Variants in ERCC5 observed in about 807,000 individuals in gnomAD.
The protein encoded by ERCC5 is DNA excision repair protein ERCC-5.
ERCC5 carries 68 observed loss-of-function variants against 105.6 expected under a neutral mutation model. The ratio of observed to expected loss-of-function variants is 0.64; its 90% CI spans 0.53 to 0.79. ERCC5 has a LOEUF of 0.79. ERCC5 is among the 30% of genes least tolerant of loss of function. ERCC5 has a pLI of 0.00. For missense variants in ERCC5, 1,373 were observed against 1,426.7 expected (o/e 0.96, Z 0.61); for synonymous variants, 546 against 526.2 (o/e 1.04, Z -0.51).
chr13:102,863,074 A>G lies in ERCC5; in HGVS notation c.1925A>G (p.Glu642Gly), dbSNP rs758920324. 5.6e-6 allele frequency: 9 copies of G among 1,614,078 alleles called. No individual in the cohort carries two copies. The highest frequency in any genetic ancestry group is 4.5e-5 in the East Asian group (2 of 44,878). The change falls in exon 8 of 15, where the codon GAA (glutamate) becomes GGA (glycine). Residue 642 changes from glutamate (E) to glycine (G), a missense_variant. By Grantham distance (98) the Glu-to-Gly change is moderately conservative. This residue lies in a region of ERCC5 where 1,004 missense variants were observed against 1,059.7 expected (regional missense o/e 0.95). Coordinates refer to ENST00000652225, the MANE Select transcript of ERCC5 (RefSeq NM_000123.4). Reference sequence around the variant, plus strand: ...ATTCCAAAGGCCGTGGAACCAATGGAAATTGACTCGGAAGAAAGTGAATCT... The same window carrying G: ...ATTCCAAAGGCCGTGGAACCAATGGGAATTGACTCGGAAGAAAGTGAATCT... ...ISIPKAVEPM[E>G]IDSEESESDG...
Position 102,853,809 on chromosome 13 carries a change from C to G in ERCC5, c.317C>G (p.Thr106Arg), listed in dbSNP as rs1566464834. 6.2e-7 allele frequency: 1 copy of G among 1,614,178 alleles called. No individual in the cohort carries two copies. The highest frequency in any genetic ancestry group is 8.5e-7 in the Non-Finnish European group (1 of 1,180,032). ...GCGTCCAGTGACTCCAGGAAAACGA[C>G]AGAGAAGCTTCTGAAAACATTTTTG... ...DLASSDSRKT[T>R]EKLLKTFLKR... Residue 106 changes from threonine to arginine, a missense_variant, in exon 3 of 15, where the codon ACA becomes AGA. Transcript: ENST00000652225.
intron 6 of ERCC5, among the ~76,000 whole-genome samples, chr13:102,860,034 G>A (rs563428599): frequency 9.2e-5 from 14 of 152,252 alleles, no homozygotes; most frequent in South Asian, 6.2e-4. Flanking sequence ...TAGCATCTCC[G>A]TGCTGTAGAT....
At position 102,865,643 on chromosome 13, in the gene ERCC5, A is replaced by C; in HGVS notation, c.1955-24A>C. 1 of 1,612,140 alleles carries C rather than the reference A, an allele frequency of 6.2e-7. No individual in the cohort carries two copies. Among genetic ancestry groups the C allele is most frequent in the South Asian group, 1.1e-5 (1 of 90,678 alleles). Reference sequence around the variant, plus strand: ...ATTTTAATGTTTTGATTGTAGATGAAGTGACCTTTTAATTTTGGTACAGGA... The same window carrying C: ...ATTTTAATGTTTTGATTGTAGATGACGTGACCTTTTAATTTTGGTACAGGA... On this transcript the variant is annotated intron_variant, in intron 8 of 14. Coordinates refer to ENST00000652225, the MANE Select transcript of ERCC5 (RefSeq NM_000123.4). The surrounding 1 kb of genome is among the most constrained non-coding windows in gnomAD (Gnocchi z 4.0).
rs910290814 is a variant in ERCC5, at chr13:102,875,966, G to C, written c.*63G>C. 27 of 1,581,902 alleles carry C rather than the reference G, an allele frequency of 1.7e-5. No individual in the cohort carries two copies. In the Admixed American group the frequency reaches 4.0e-4, roughly 24 times the overall value. On this transcript the variant is annotated 3_prime_UTR_variant, in exon 15 of 15. Transcript: ENST00000652225. ...CCATTTGTAATGAATTTGTCGCAAA[G>C]ACGTAATAAAATTAACTGGTGGCAC... is the stretch of plus-strand genomic sequence containing the variant.
At chr13:102,874,941 A>G (rs2140542487) in intron 14 of ERCC5, 1 of 209,550 alleles carries the variant, frequency 4.8e-6, no homozygotes, top group East Asian at 1.2e-4. Flanking sequence ...TTTTTAAAAG[A>G]AAGATATAGT....
intron 2 of ERCC5, 117 bp from the exon 3 acceptor site, chr13:102,853,640 T>G: frequency 9.8e-7 from 1 of 1,017,390 alleles, no homozygotes; most frequent in Non-Finnish European, 1.5e-6. Flanking sequence ...GAGGAAATGC[T>G]AAAGCAGCCA....
intron 5 of ERCC5, among the ~76,000 whole-genome samples, chr13:102,858,014 G>A (rs889741748): frequency 3.3e-5 from 5 of 152,004 alleles, no homozygotes; most frequent in African/African-American, 1.2e-4. Context: ...CAGTACCTTA[G>A]CACCTAGAAC....
intron 13 of ERCC5, 135 bp downstream of exon 13, chr13:102,872,533 T>C: frequency 9.4e-7 from 1 of 1,065,702 alleles, no homozygotes; most frequent in South Asian, 1.5e-5. Flanking sequence ...CCGCTCTCCT[T>C]TTCACTCTTT....
At chr13:102,873,181 A>C (rs1883089609) in intron 13 of ERCC5, 78 bp from the exon 14 acceptor site, 1 of 1,571,220 alleles carries the variant, frequency 6.4e-7, no homozygotes, top group South Asian at 1.1e-5. Context: ...TGGAATCAAG[A>C]ATGGGTTCTT....
rs768537575 is a variant in ERCC5 at position 102,854,381 on chromosome 13, G to A, written c.467+7G>A. ...AAGAGGAAGAAAAACACAGGTAAAT[G>A]TTTAACTATTTAAGAATATTATTTT... On this transcript the variant is annotated splice_region_variant and intron_variant, in intron 4 of 14. Transcript: ENST00000652225. 6.2e-7 allele frequency: 1 copy of A among 1,613,166 alleles called. No homozygotes were observed. Among genetic ancestry groups the A allele is most frequent in the Admixed American group, 1.7e-5 (1 of 60,018 alleles).
chr13:102,868,993 T>C (rs1318461238), intron 12 of ERCC5, among the ~76,000 whole-genome samples: 1 of 152,238 alleles, frequency 6.6e-6, no homozygotes, highest in Admixed American at 6.5e-5. Context: ...TTCATTGGTT[T>C]TTAGTGTATT....
Position 102,873,367 on chromosome 13 carries a change from T to A in ERCC5, c.2964+24T>A, listed in dbSNP as rs1434617340. On this transcript the variant is annotated intron_variant, in intron 14 of 14. Transcript: ENST00000652225. ...AGGTAATCATGGTGGACCCTTCTCC[T>A]AAGTTCAGGATGAAGGGTAGGCTGT... 1.4e-5 allele frequency: 22 copies of A among 1,613,454 alleles called. 1 individual carries two copies. The South Asian group carries it at 2.4e-4, about 18-fold the overall frequency.
intron 1 of ERCC5, among the ~76,000 whole-genome samples, chr13:102,851,398 G>A (rs1595376199): frequency 6.6e-6 from 1 of 152,168 alleles, no homozygotes; most frequent in East Asian, 1.9e-4. Context: ...GGGTTCAAGC[G>A]ATTCTCCTGC....
In ERCC5 at chr13:102,872,290, C is replaced by T. The variant is rs778017070; in HGVS notation, c.2771C>T (p.Thr924Ile). 1.9e-6 allele frequency: 3 copies of T among 1,614,162 alleles called. No individual in the cohort carries two copies. The highest frequency in any genetic ancestry group is 2.5e-6 in the Non-Finnish European group (3 of 1,180,034). The change falls in exon 13 of 15, where the codon ACC becomes ATC. Residue 924 changes from threonine (T) to isoleucine (I), a missense_variant. This residue lies in a region of ERCC5 where 367 missense variants were observed against 350.2 expected (regional missense o/e 1.05). Transcript: ENST00000652225. The part of the protein sequence containing the change: ...VKKKLRTLQL[T>I]PGFPNPAVAE... ...AAAAAATTACGGACATTGCAACTCA[C>T]CCCTGGCTTTCCTAACCCAGCTGTT...
Position 102,846,327 on chromosome 13 carries a change from G to A in ERCC5, c.61G>A (p.Ala21Thr), listed in dbSNP as rs1881957980. The A allele has an allele frequency of 6.2e-7, 1 of 1,613,990 alleles. No individual in the cohort carries two copies. Among genetic ancestry groups the A allele is most frequent in the South Asian group, 1.1e-5 (1 of 91,080 alleles). ...ECSGRQVSPE[A>T]LEGKILAVDI... Reference sequence around the variant, plus strand: ...CTCCGGGCGGCAGGTCAGCCCCGAAGCGCTGGAAGGGAAGATCCTGGCTGT... The same window carrying A: ...CTCCGGGCGGCAGGTCAGCCCCGAAACGCTGGAAGGGAAGATCCTGGCTGT... Residue 21 changes from alanine (A) to threonine (T), a missense_variant, in exon 1 of 15, where the codon GCG becomes ACG. This residue lies in a region of ERCC5 where 1,004 missense variants were observed against 1,059.7 expected (regional missense o/e 0.95). Transcript: ENST00000652225.
chr13:102,866,262 GAGGAGT>G lies in ERCC5; in HGVS notation c.2201_2206del (p.Glu734_Leu736delinsVal). On this transcript the variant is annotated inframe_deletion and splice_region_variant, in exon 10 of 15. Coordinates refer to ENST00000652225, the MANE Select transcript of ERCC5 (RefSeq NM_000123.4). ...CTATAAATGAAAAAACATTTTATAGGAGGAGTTGGAAACTCTGGAGAGCAACCTCTT... is the reference window on the plus strand; with the variant it reads ...CTATAAATGAAAAAACATTTTATAGGTGGAAACTCTGGAGAGCAACCTCTT... The G allele has an allele frequency of 6.2e-7, 1 of 1,614,122 alleles. No individual in the cohort carries two copies. Among genetic ancestry groups the G allele is most frequent in the Non-Finnish European group, 8.5e-7 (1 of 1,180,004 alleles).
chr13:102,846,583 A>G (rs1476141852), intron 1 of ERCC5, among the ~76,000 whole-genome samples: 1 of 151,754 alleles, frequency 6.6e-6, no homozygotes, highest in Non-Finnish European at 1.5e-5. Flanking sequence ...AGTTCCTTCA[A>G]CTCCCTTATA....
chr13:102,873,290 A>T lies in ERCC5; in HGVS notation c.2911A>T (p.Thr971Ser). Residue 971 changes from threonine (T) to serine (S), a missense_variant, in exon 14 of 15, where the codon ACG (threonine) becomes TCG (serine). Thr to Ser is a moderately conservative substitution (Grantham distance 58). Around this residue, in one of 3 missense-constraint regions of ERCC5, gnomAD observed 367 missense variants for 350.2 expected, o/e 1.05. Coordinates refer to ENST00000652225, the MANE Select transcript of ERCC5 (RefSeq NM_000123.4). Reference protein sequence around the residue: ...FCQRYFGWNRTKTDESLFPVL... With the variant: ...FCQRYFGWNRSKTDESLFPVL... ...TCAGCGGTATTTCGGCTGGAACAGA[A>T]CGAAGACAGATGAATCTCTGTTTCC... is the stretch of plus-strand genomic sequence containing the variant. 1 of 1,614,172 alleles carries T rather than the reference A, an allele frequency of 6.2e-7. No homozygotes were observed. Among genetic ancestry groups the T allele is most frequent in the Non-Finnish European group, 8.5e-7 (1 of 1,180,018 alleles).
intron 6 of ERCC5, among the ~76,000 whole-genome samples, chr13:102,859,277 T>G (rs1436846722): frequency 6.6e-6 from 1 of 152,202 alleles, no homozygotes; most frequent in Non-Finnish European, 1.5e-5. Flanking sequence ...ATGGAGTGTT[T>G]TTTTATTTTC....
Sources: gnomAD v4.1 joint callset for allele counts (sites outside exome capture counted in the v4.1 genomes callset) on GRCh38, gnomAD v4.1.1 for gene constraint, gnomAD v4.1.1 regional missense constraint, Gnocchi (gnomAD v3.1) non-coding constraint, MANE v1.5 for transcripts, NCBI Gene and HGNC (gene_info 2026-07-23, HGNC 2026-07-21) for gene names.